TRNAU1AP: variants seen among roughly 807,000 people sequenced by gnomAD.
TRNAU1AP encodes the protein tRNA selenocysteine 1 associated protein 1, also known as tRNA selenocysteine 1-associated protein 1.
Under a neutral mutation model 43.3 loss-of-function variants are expected in TRNAU1AP, and 33 were observed. The observed-to-expected ratio is 0.76, with a 90% CI of 0.58 to 1.02. TRNAU1AP has a LOEUF of 1.02. TRNAU1AP is among the 50% of genes least tolerant of loss of function. The pLI, the probability that TRNAU1AP is intolerant of heterozygous loss-of-function variation, is 0.00. For synonymous variants in TRNAU1AP, 143 were observed against 129.1 expected, an observed-to-expected ratio of 1.11 and a Z score of -0.73; for missense variants, 290 against 362.7, an observed-to-expected ratio of 0.80 and a Z score of 1.63.
At chr1:28,563,837 G>A (rs886892444) in intron 4 of TRNAU1AP, among the ~76,000 whole-genome samples, 5 of 151,690 alleles carry the variant, frequency 3.3e-5, no homozygotes, top group African/African-American at 1.2e-4. Context: ...AGGTGACAGA[G>A]TGATACTCCA....
chr1:28,577,414 A>C (rs1315325720), intron 8 of TRNAU1AP, 86 bp from the exon 9 acceptor site: 2 of 1,485,844 alleles, frequency 1.3e-6, no homozygotes, highest in Non-Finnish European at 1.8e-6. Flanking sequence ...CTTACCATAG[A>C]ACAGAGTTCT....
rs1302713326 is a variant in TRNAU1AP at position 28,567,287 on chromosome 1, C to T, written c.411-7C>T. ...TGTGATCTAAATTGTATATTTTTTT[C>T]ATGCAGGGGTTATGGTTTTGTGAAA... On this transcript the variant is annotated splice_polypyrimidine_tract_variant and splice_region_variant and intron_variant, in intron 5 of 8. Transcript: ENST00000373830. 3 of 1,605,922 alleles carry T rather than the reference C, an allele frequency of 1.9e-6. No individual in the cohort carries two copies. The highest frequency in any genetic ancestry group is 2.5e-6 in the Non-Finnish European group (3 of 1,177,918).
chr1:28,553,163 C>G, intron 1 of TRNAU1AP, 26 bp downstream of exon 1: 3 of 1,496,070 alleles, frequency 2.0e-6, no homozygotes, highest in Admixed American at 4.7e-5. Flanking sequence ...CGTCCGGGGT[C>G]TGAAGACAAG....
chr1:28,560,279 C>CTTTTTTTT (rs61583725), intron 2 of TRNAU1AP, among the ~76,000 whole-genome samples: 1 of 137,778 alleles, frequency 7.3e-6, no homozygotes, highest in Non-Finnish European at 1.6e-5. Flanking sequence ...CATCTTGAGC[C>CTTTTTTTT]TTTTTTTTTT....
rs1389826473 is a variant in TRNAU1AP at position 28,560,786 on chromosome 1, A to G, written c.225+54A>G. 7 of 1,398,702 alleles carry G rather than the reference A, an allele frequency of 5.0e-6. No individual in the cohort carries two copies. In the Admixed American group the frequency reaches 1.1e-4, roughly 21 times the overall value. 86.6% of individuals were successfully genotyped at this position (1,398,702 alleles called of 1,614,324 possible). A position where few individuals can be genotyped will look rare whatever the true frequency, so the allele number is the denominator to read the frequency against. ...GCCATTATTATTGTCATTGCTTACTACCATCTATTGAATCCCTACTGTATA... is the reference window on the plus strand; with the variant it reads ...GCCATTATTATTGTCATTGCTTACTGCCATCTATTGAATCCCTACTGTATA... On this transcript the variant is annotated intron_variant, in intron 3 of 8. Coordinates refer to ENST00000373830, the MANE Select transcript of TRNAU1AP (RefSeq NM_017846.5).
chr1:28,562,461 G>A (rs1164645839), intron 4 of TRNAU1AP, among the ~76,000 whole-genome samples: 1 of 152,078 alleles, frequency 6.6e-6, no homozygotes, highest in African/African-American at 2.4e-5. Flanking sequence ...ACGATGGATC[G>A]TATTTATGAA....
chr1:28,553,544 G>A, intron 1 of TRNAU1AP, 96 bp from the exon 2 acceptor site: 1 of 1,178,206 alleles, frequency 8.5e-7, no homozygotes, highest in African/African-American at 1.5e-5. Context: ...CCCCAGCGGC[G>A]CGTAGCCAGC....
rs192263236 is a variant in TRNAU1AP at position 28,557,809 on chromosome 1, G to A, written c.126-2824G>A. ...TCACCATGTTGGCCAGGATAGTCTC[G>A]ATCTCTTGACCTCGTGATCCACCCA... On this transcript the variant is annotated intron_variant, in intron 2 of 8. Transcript: ENST00000373830. Among the ~76,000 whole-genome samples, 3 of 151,752 alleles carry A rather than the reference G, an allele frequency of 2.0e-5. No homozygotes were observed. The East Asian group carries it at 5.8e-4, about 29-fold the overall frequency.
intron 2 of TRNAU1AP, among the ~76,000 whole-genome samples, chr1:28,554,719 T>C (rs1222396954): frequency 4.0e-5 from 6 of 151,776 alleles, no homozygotes; most frequent in Admixed American, 2.0e-4. Flanking sequence ...TGGCGGGCAC[T>C]TGTAGTCTCA....
chr1:28,568,377 G>A (rs1365153400), intron 6 of TRNAU1AP, among the ~76,000 whole-genome samples: 1 of 152,016 alleles, frequency 6.6e-6, no homozygotes, highest in Non-Finnish European at 1.5e-5. Context: ...CCCCAGGCTC[G>A]GGATCCTCCC....
At chr1:28,566,771 A>G (rs1186359820) in intron 5 of TRNAU1AP, among the ~76,000 whole-genome samples, 3 of 151,820 alleles carry the variant, frequency 2.0e-5, no homozygotes, top group Non-Finnish European at 4.4e-5. Context: ...AAAAAAAAAA[A>G]AAAAAGAGAG....
At chr1:28,565,129 G>A (rs1570252270) in intron 5 of TRNAU1AP, 1 of 354,216 alleles carries the variant, frequency 2.8e-6, no homozygotes, top group South Asian at 2.9e-5. Flanking sequence ...CATTTGAAAT[G>A]CTTTATAGGT....
chr1:28,571,818 G>C, intron 7 of TRNAU1AP, 49 bp from the exon 8 acceptor site: 1 of 1,493,428 alleles, frequency 6.7e-7, no homozygotes, highest in Non-Finnish European at 9.2e-7. Flanking sequence ...TGTGGTCCTG[G>C]GCCAGGATTT....
chr1:28,558,889 C>T (rs1665340277), intron 2 of TRNAU1AP, among the ~76,000 whole-genome samples: 1 of 152,080 alleles, frequency 6.6e-6, no homozygotes, highest in Admixed American at 6.6e-5. Flanking sequence ...CTTACATAAC[C>T]ACAATGCTTA....
chr1:28,553,613 A>G, intron 1 of TRNAU1AP, 27 bp from the exon 2 acceptor site: 4 of 1,610,046 alleles, frequency 2.5e-6, no homozygotes, highest in Non-Finnish European at 3.4e-6. Flanking sequence ...CGCCGGCCTG[A>G]GCCGCTGTGC....
At chr1:28,573,930 T>C (rs2124217554) in intron 8 of TRNAU1AP, among the ~76,000 whole-genome samples, 1 of 150,276 alleles carries the variant, frequency 6.7e-6, no homozygotes, top group African/African-American at 2.4e-5. Flanking sequence ...AGAGTGAAAC[T>C]CCGTCTCAAA....
intron 5 of TRNAU1AP, 71 bp downstream of exon 5, chr1:28,564,905 TAGAA>T: frequency 6.3e-7 from 1 of 1,590,254 alleles, no homozygotes. Flanking sequence ...GGAGGTGTTT[TAGAA>T]AGGCCCTGCA....
intron 5 of TRNAU1AP, among the ~76,000 whole-genome samples, chr1:28,567,079 T>C (rs1046500591): frequency 3.3e-5 from 5 of 152,194 alleles, no homozygotes; most frequent in African/African-American, 1.2e-4. Flanking sequence ...CCTGCAGATA[T>C]TAGAATTGTT....
rs932143414 is a variant in TRNAU1AP at position 28,560,531 on chromosome 1, C to G, written c.126-102C>G. ...CCTTCAGTGATCCACCTGCCTTGGC[C>G]TCCCAAACTGTTGGGATTATATGCG... On this transcript the variant is annotated intron_variant, in intron 2 of 8. Transcript: ENST00000373830. The G allele has an allele frequency of 5.6e-6, 5 of 890,248 alleles. No homozygotes were observed. In the African/African-American group the frequency reaches 8.3e-5, roughly 15 times the overall value. The allele number at this position is 890,248 out of a possible 1,614,324, so 55.1% of individuals were successfully genotyped here.
Sources: allele counts gnomAD v4.1 joint callset (sites outside exome capture counted in the v4.1 genomes callset), GRCh38; gene constraint gnomAD v4.1.1; transcripts MANE v1.5; gene names NCBI Gene and HGNC (gene_info 2026-07-23, HGNC 2026-07-21).